Variants in UST observed in about 807,000 individuals in gnomAD.
UST encodes uronyl 2-sulfotransferase.
Under a neutral mutation model 45.6 loss-of-function variants are expected in UST, and 21 were observed. The observed-to-expected ratio is 0.46, with a 90% CI of 0.33 to 0.66. The LOEUF (loss-of-function observed/expected upper bound fraction) is 0.66. UST is among the 30% of genes least tolerant of loss of function. The pLI is 0.02. For synonymous variants in UST, 215 were observed against 200.6 expected, an observed-to-expected ratio of 1.07 and a Z score of -0.61; for missense variants, 463 against 512.4, an observed-to-expected ratio of 0.90 and a Z score of 0.93.
intron 2 of UST, among the ~76,000 whole-genome samples, chr6:148,910,860 T>A (rs7759764): frequency 0.53 from 79,844 of 151,496 alleles, 21,195 homozygotes; most frequent in East Asian, 0.6. Context: ...CTGTTTCTAA[T>A]CGTTTAGTCT....
In UST at chr6:148,864,378, C is replaced by A. The variant is rs111563749; in HGVS notation, c.248-22608C>A. On this transcript the variant is annotated intron_variant, in intron 1 of 7. Coordinates refer to ENST00000367463, the MANE Select transcript of UST (RefSeq NM_005715.3). The stretch of plus-strand genomic sequence containing the variant: ...AATCGCAGTATTAGGGTGGGAGTGA[C>A]CTGATTTTCCAGGTGCCATGCGTCA... Among the ~76,000 whole-genome samples, 856 of 152,326 alleles carry A rather than the reference C, an allele frequency of 5.6e-3. 2 individuals carry two copies. Among genetic ancestry groups the A allele is most frequent in the Non-Finnish European group, 7.8e-3 (534 of 68,028 alleles).
chr6:148,767,845 A>T (rs1776350473), intron 1 of UST, among the ~76,000 whole-genome samples: 1 of 152,058 alleles, frequency 6.6e-6, no homozygotes, highest in Non-Finnish European at 1.5e-5. Context: ...ATCTTTATAT[A>T]TTTTTTTACA....
At chr6:148,804,146 T>G (rs1224504001) in intron 1 of UST, among the ~76,000 whole-genome samples, 1 of 152,234 alleles carries the variant, frequency 6.6e-6, no homozygotes, top group Non-Finnish European at 1.5e-5. Flanking sequence ...TGAAAAACTC[T>G]TGCAACTCAG....
chr6:148,910,510 T>C (rs1779451803), intron 2 of UST, among the ~76,000 whole-genome samples: 1 of 152,088 alleles, frequency 6.6e-6, no homozygotes, highest in South Asian at 2.1e-4. Flanking sequence ...TTAAGCCATC[T>C]CCGTCTCTCT....
chr6:148,818,225 C>T (rs971949544), intron 1 of UST, among the ~76,000 whole-genome samples: 3 of 149,768 alleles, frequency 2.0e-5, no homozygotes, highest in South Asian at 2.1e-4. Flanking sequence ...ATCTTGCAGT[C>T]GACGATGTGT....
At chr6:149,019,331 A>G in intron 6 of UST, 95 bp downstream of exon 6, 2 of 906,272 alleles carry the variant, frequency 2.2e-6, no homozygotes, top group Non-Finnish European at 3.6e-6. Context: ...TTGTATCCCT[A>G]GTCTCTCAAC....
In UST at chr6:148,748,031, G is replaced by T. The variant is rs1205176954; in HGVS notation, c.247+354G>T. Among the ~76,000 whole-genome samples, 4 of 152,192 alleles carry T rather than the reference G, an allele frequency of 2.6e-5. No homozygotes were observed. Among genetic ancestry groups the T allele is most frequent in the African/African-American group, 9.6e-5 (4 of 41,454 alleles). ...GAGTGTGTGTATCTTCAGGCCTGGC[G>T]GCGCGGGGAGTGGCGAAGGGAAGGG... is the stretch of plus-strand genomic sequence containing the variant. On this transcript the variant is annotated intron_variant, in intron 1 of 7. Transcript: ENST00000367463. This position sits in a 1 kb window ranked among gnomAD's most constrained non-coding sequence, Gnocchi z 5.3.
intron 1 of UST, among the ~76,000 whole-genome samples, chr6:148,825,193 A>C (rs1341947938): frequency 6.6e-6 from 1 of 152,180 alleles, no homozygotes; most frequent in East Asian, 1.9e-4. Context: ...GTGGACACCA[A>C]AAGTGGGAGG....
chr6:149,010,912 A>C (rs866763355), intron 5 of UST, among the ~76,000 whole-genome samples: 1 of 114,880 alleles, frequency 8.7e-6, no homozygotes, highest in Admixed American at 8.8e-5. Context: ...AAAAAAAAAA[A>C]AAAAAAACTG....
At chr6:148,887,246 T>C (rs969427698) in intron 2 of UST, among the ~76,000 whole-genome samples, 1 of 152,276 alleles carries the variant, frequency 6.6e-6, no homozygotes, top group African/African-American at 2.4e-5. Flanking sequence ...TCAGTGGCTG[T>C]TGCTGCCCAG....
chr6:148,966,527 G>A (rs895169505), intron 5 of UST, among the ~76,000 whole-genome samples: 5 of 152,138 alleles, frequency 3.3e-5, no homozygotes, highest in South Asian at 4.1e-4. Flanking sequence ...ACAGAAACAC[G>A]TCTTATGAAC....
At chr6:148,806,677 G>C (rs979963787) in intron 1 of UST, among the ~76,000 whole-genome samples, 2 of 152,172 alleles carry the variant, frequency 1.3e-5, no homozygotes, top group African/African-American at 4.8e-5. Context: ...TTAGTCTGTT[G>C]CTGTAACAGC....
intron 1 of UST, among the ~76,000 whole-genome samples, chr6:148,822,996 A>G (rs12195569): frequency 0.11 from 16,846 of 152,176 alleles, 1,203 homozygotes; most frequent in Middle Eastern, 0.21. Context: ...GTGTGTTTGT[A>G]TTTGTGGGTA....
intron 1 of UST, among the ~76,000 whole-genome samples, chr6:148,810,041 A>G (rs1464347340): frequency 6.6e-6 from 1 of 152,196 alleles, no homozygotes; most frequent in Non-Finnish European, 1.5e-5. Context: ...TGTTTTTCCC[A>G]CATTTTAAAA....
intron 5 of UST, among the ~76,000 whole-genome samples, chr6:149,010,665 C>T (rs532265265): frequency 6.6e-4 from 101 of 151,880 alleles, no homozygotes; most frequent in Middle Eastern, 6.8e-3. Flanking sequence ...GAGGCTGAGG[C>T]GGGCAGATCA....
intron 2 of UST, among the ~76,000 whole-genome samples, chr6:148,889,365 A>G (rs1778970284): frequency 6.6e-6 from 1 of 152,246 alleles, no homozygotes; most frequent in African/African-American, 2.4e-5. Flanking sequence ...TAATGTAATG[A>G]TGACTCACCA....
Position 149,074,833 on chromosome 6 carries a change from T to G in UST, c.*717T>G, listed in dbSNP as rs1776868963. 1 of 152,120 alleles carries G rather than the reference T, an allele frequency of 6.6e-6. No homozygotes were observed. 9.4% of individuals were successfully genotyped at this position (152,120 alleles called of 1,614,324 possible). On this transcript the variant is annotated 3_prime_UTR_variant, in exon 8 of 8. Coordinates refer to ENST00000367463, the MANE Select transcript of UST (RefSeq NM_005715.3). ...CCTCTGGTCCTTCTCAGGGGGCACT[T>G]TCACCAAGAGCAGTGTAATTATCTC...
chr6:148,810,649 C>G (rs189233538), intron 1 of UST, among the ~76,000 whole-genome samples: 4 of 152,130 alleles, frequency 2.6e-5, no homozygotes, highest in Non-Finnish European at 4.4e-5. Context: ...TGGCCTTGGC[C>G]TTTTTGGATG....
At chr6:148,996,589 A>G (rs1781456451) in intron 5 of UST, among the ~76,000 whole-genome samples, 1 of 152,248 alleles carries the variant, frequency 6.6e-6, no homozygotes, top group Admixed American at 6.5e-5. Context: ...TGTCTAAATG[A>G]TAAATATAGT....
Sources: allele counts gnomAD v4.1 joint callset (sites outside exome capture counted in the v4.1 genomes callset), GRCh38; gene constraint gnomAD v4.1.1; non-coding constraint Gnocchi (gnomAD v3.1); transcripts MANE v1.5; gene names NCBI Gene and HGNC (gene_info 2026-07-23, HGNC 2026-07-21).